CACNA1A: variants seen among roughly 807,000 people sequenced by gnomAD.
CACNA1A encodes the protein voltage-dependent P/Q-type calcium channel subunit alpha-1A.
Under a neutral mutation model 262.4 loss-of-function variants are expected in CACNA1A, and 57 were observed. That is an observed-to-expected ratio of 0.22 (90% CI 0.18 to 0.27). The LOEUF is 0.27. Among genes scored for constraint, CACNA1A ranks in the 10% least tolerant of loss-of-function variants. The pLI, the probability that CACNA1A is intolerant of heterozygous loss-of-function variation, is 1.00. For synonymous variants in CACNA1A, 1,431 were observed against 1,419.3 expected, an observed-to-expected ratio of 1.01 and a Z score of -0.18; for missense variants, 2,526 against 3,562.8, an observed-to-expected ratio of 0.71 and a Z score of 7.41.
chr19:13,490,087 G>A (rs911405542), intron 1 of CACNA1A, among the ~76,000 whole-genome samples: 1 of 152,062 alleles, frequency 6.6e-6, no homozygotes, highest in Non-Finnish European at 1.5e-5. Flanking sequence ...CAGTGCCCAT[G>A]CCAAGGAGGA....
chr19:13,471,253 G>A (rs117132349), intron 1 of CACNA1A, among the ~76,000 whole-genome samples: 1,599 of 152,306 alleles, frequency 0.01, 104 homozygotes, highest in Admixed American at 0.088. Context: ...AGGTTCTGAA[G>A]TTCCAAATGC....
intron 1 of CACNA1A, among the ~76,000 whole-genome samples, chr19:13,456,631 G>A (rs994657856): frequency 6.6e-6 from 1 of 152,102 alleles, no homozygotes; most frequent in Non-Finnish European, 1.5e-5. Context: ...CCAAGATCGT[G>A]CCACTGCACT....
intron 3 of CACNA1A, among the ~76,000 whole-genome samples, chr19:13,434,729 G>A (rs1450901778): frequency 2.0e-5 from 3 of 152,074 alleles, no homozygotes; most frequent in Non-Finnish European, 2.9e-5. Flanking sequence ...CTGCAGAATC[G>A]TGAGTCAATT....
intron 1 of CACNA1A, among the ~76,000 whole-genome samples, chr19:13,482,319 T>C (rs953848579): frequency 6.6e-6 from 1 of 151,646 alleles, no homozygotes; most frequent in African/African-American, 2.4e-5. Context: ...CCGTCTCTAC[T>C]AAAATACAAA....
At chr19:13,306,784 A>G (rs2057912648) in intron 15 of CACNA1A, among the ~76,000 whole-genome samples, 2 of 152,166 alleles carry the variant, frequency 1.3e-5, no homozygotes, top group South Asian at 2.1e-4. Flanking sequence ...CCCAGAGCCC[A>G]CTGAAATGAT....
chr19:13,451,275 GCA>G (rs1439324980), intron 3 of CACNA1A: 5 of 152,336 alleles, frequency 3.3e-5, no homozygotes, highest in Non-Finnish European at 5.9e-5. Context: ...AGCCCGGCCA[GCA>G]CAGTGTGGGT....
At chr19:13,233,242 C>T (rs1460908345) in intron 34 of CACNA1A, among the ~76,000 whole-genome samples, 1 of 152,088 alleles carries the variant, frequency 6.6e-6, no homozygotes, top group African/African-American at 2.4e-5. Context: ...TACCCACTGA[C>T]TCCCTCCCTT....
At chr19:13,465,060 C>T (rs1203217290) in intron 1 of CACNA1A, among the ~76,000 whole-genome samples, 1 of 152,158 alleles carries the variant, frequency 6.6e-6, no homozygotes, top group Admixed American at 6.5e-5. Context: ...TCCCGAGTAG[C>T]TGGGACTACA....
At chr19:13,494,627 A>ATTT (rs1481117121) in intron 1 of CACNA1A, among the ~76,000 whole-genome samples, 1 of 152,222 alleles carries the variant, frequency 6.6e-6, no homozygotes, top group African/African-American at 2.4e-5. Flanking sequence ...TCACACTGCT[A>ATTT]TAAAAGTAAT....
chr19:13,501,471 GC>G, intron 1 of CACNA1A, among the ~76,000 whole-genome samples: 1 of 152,016 alleles, frequency 6.6e-6, no homozygotes, highest in South Asian at 2.1e-4. Context: ...ACCAGACCCG[GC>G]CCCTATAAAC....
At chr19:13,370,544 G>C (rs2059303612) in intron 4 of CACNA1A, among the ~76,000 whole-genome samples, 1 of 151,764 alleles carries the variant, frequency 6.6e-6, no homozygotes, top group South Asian at 2.1e-4. Flanking sequence ...TCCTGCCTCA[G>C]CCTTTTAAGT....
intron 19 of CACNA1A, among the ~76,000 whole-genome samples, chr19:13,292,972 G>A (rs995722699): frequency 6.6e-6 from 1 of 152,074 alleles, no homozygotes; most frequent in Non-Finnish European, 1.5e-5. Flanking sequence ...AATGGAATTA[G>A]CAGTACTCCC....
chr19:13,359,137 C>T (rs1170419128), intron 6 of CACNA1A, among the ~76,000 whole-genome samples: 1 of 152,176 alleles, frequency 6.6e-6, no homozygotes, highest in Non-Finnish European at 1.5e-5. Context: ...AAAACATGGC[C>T]TACAAAGTGG....
intron 4 of CACNA1A, chr19:13,366,332 T>C (rs2059210932): frequency 6.6e-6 from 1 of 152,172 alleles, no homozygotes. Flanking sequence ...TAGCCAGGCA[T>C]GATGGTGCAT....
At chr19:13,414,566 G>A (rs1599402132) in intron 3 of CACNA1A, among the ~76,000 whole-genome samples, 1 of 152,156 alleles carries the variant, frequency 6.6e-6, no homozygotes, top group Non-Finnish European at 1.5e-5. Flanking sequence ...CCATGACAGC[G>A]ACTGGGAAGG....
intron 34 of CACNA1A, among the ~76,000 whole-genome samples, chr19:13,233,390 C>A (rs1423169308): frequency 6.6e-6 from 1 of 152,168 alleles, no homozygotes; most frequent in African/African-American, 2.4e-5. Flanking sequence ...TCAATTTAAC[C>A]ATTTTGAAGT....
At chr19:13,317,777 G>A (rs181208886) in intron 10 of CACNA1A, among the ~76,000 whole-genome samples, 7 of 152,318 alleles carry the variant, frequency 4.6e-5, no homozygotes, top group Middle Eastern at 3.4e-3. Context: ...GATCACTGAG[G>A]AATAAGCTGG....
chr19:13,258,028 C>G (rs1600187800), intron 27 of CACNA1A: 1 of 153,698 alleles, frequency 6.5e-6, no homozygotes, highest in Admixed American at 6.5e-5. Flanking sequence ...GTGTGAGCCA[C>G]CACGCCTGGC....
At chr19:13,289,034 G>A (rs1467463621) in intron 19 of CACNA1A, among the ~76,000 whole-genome samples, 1 of 152,126 alleles carries the variant, frequency 6.6e-6, no homozygotes, top group Non-Finnish European at 1.5e-5. Flanking sequence ...ACTGCACAGG[G>A]GAAATAGACA....
Sources: allele counts gnomAD v4.1 joint callset (sites outside exome capture counted in the v4.1 genomes callset), GRCh38; gene constraint gnomAD v4.1.1; transcripts MANE v1.5; gene names NCBI Gene and HGNC (gene_info 2026-07-23, HGNC 2026-07-21).